RPRD1A: variants seen among roughly 807,000 people sequenced by gnomAD.
RPRD1A encodes regulation of nuclear pre-mRNA domain-containing protein 1A.
Under a neutral mutation model 37.8 loss-of-function variants are expected in RPRD1A, and 9 were observed. The observed-to-expected ratio is 0.24, with a 90% confidence interval of 0.14 to 0.42. The LOEUF is 0.42. Among genes scored for constraint, RPRD1A ranks in the 10% least tolerant of loss-of-function variants. The pLI is 1.00. For missense variants in RPRD1A, 255 were observed against 371.0 expected, an observed-to-expected ratio of 0.69 and a Z score of 2.57; for synonymous variants, 138 against 139.7, an observed-to-expected ratio of 0.99 and a Z score of 0.08.
At chr18:36,044,301 C>A (rs1340995121) in intron 1 of RPRD1A, among the ~76,000 whole-genome samples, 2 of 152,092 alleles carry the variant, frequency 1.3e-5, no homozygotes, top group Admixed American at 6.6e-5. Context: ...CCATATTGTT[C>A]AAAGGGAAAC....
chr18:36,062,463 CA>C (rs754276466), intron 1 of RPRD1A, among the ~76,000 whole-genome samples: 124 of 134,392 alleles, frequency 9.2e-4, no homozygotes, highest in Middle Eastern at 3.9e-3. Flanking sequence ...AACATATCCA[CA>C]AAAAAAAAAA....
intron 6 of RPRD1A, among the ~76,000 whole-genome samples, chr18:36,005,765 T>C (rs1909706751): frequency 6.6e-6 from 1 of 152,226 alleles, no homozygotes; most frequent in Non-Finnish European, 1.5e-5. Flanking sequence ...ATGATTTTAC[T>C]CCATATATCA....
chr18:35,996,875 G>T (rs1387277904), intron 6 of RPRD1A, among the ~76,000 whole-genome samples: 1 of 149,290 alleles, frequency 6.7e-6, no homozygotes, highest in African/African-American at 2.5e-5. Context: ...AGCTACACAG[G>T]AGACTAAAGT....
intron 6 of RPRD1A, among the ~76,000 whole-genome samples, chr18:35,997,057 A>G (rs1222438807): frequency 1.3e-5 from 2 of 151,768 alleles, no homozygotes; most frequent in Non-Finnish European, 2.9e-5. Flanking sequence ...CAGCAAATAT[A>G]TTGAAGTTAT....
Position 36,026,926 on chromosome 18 carries a change from G to C in RPRD1A, c.763C>G (p.Leu255Val), listed in dbSNP as rs1184829975. Residue 255 changes from leucine (L) to valine (V), a missense_variant, in exon 6 of 7, where the codon CTT (leucine) becomes GTT (valine). By Grantham distance (32) the Leu-to-Val change is conservative (BLOSUM62 1). Coordinates refer to ENST00000399022, the MANE Select transcript of RPRD1A (RefSeq NM_018170.5). ...TCCAATTTATGCTCTTTCTCTGCAA[G>C]GGCTTCCTTTTGACAACGAAGAAAA... ...ADFLRCQKEA[L>V]AEKEHKLEEY... is the part of the protein sequence containing the mutation. 6.2e-7 allele frequency: 1 copy of C among 1,613,846 alleles called. No homozygotes were observed. Among genetic ancestry groups the C allele is most frequent in the Admixed American group, 1.7e-5 (1 of 60,014 alleles).
At chr18:36,039,317 A>G (rs562751958) in intron 1 of RPRD1A, among the ~76,000 whole-genome samples, 4 of 152,346 alleles carry the variant, frequency 2.6e-5, no homozygotes, top group Admixed American at 2.6e-4. Context: ...CTTTATAGCA[A>G]TGTGAGAGGA....
intron 6 of RPRD1A, among the ~76,000 whole-genome samples, chr18:36,001,103 GC>G (rs1909387092): frequency 6.6e-6 from 1 of 152,080 alleles, no homozygotes; most frequent in Non-Finnish European, 1.5e-5. Flanking sequence ...CAGCATATAG[GC>G]CCCGTGATAA....
chr18:36,034,133 G>T (rs1912017096), intron 1 of RPRD1A, among the ~76,000 whole-genome samples: 1 of 152,040 alleles, frequency 6.6e-6, no homozygotes, highest in African/African-American at 2.4e-5. Context: ...GATTGCTCAT[G>T]TTATTAAGAT....
intron 6 of RPRD1A, among the ~76,000 whole-genome samples, chr18:35,999,048 C>G (rs1909262270): frequency 6.6e-6 from 1 of 152,020 alleles, no homozygotes; most frequent in Non-Finnish European, 1.5e-5. Flanking sequence ...AGAATCTTTT[C>G]TGACTCTGGC....
chr18:36,067,462 C>T lies in RPRD1A; in HGVS notation c.-58G>A, dbSNP rs1479158752. The T allele has an allele frequency of 2.9e-5, 45 of 1,542,854 alleles. No homozygotes were observed. Among genetic ancestry groups the T allele is most frequent in the Non-Finnish European group, 3.9e-5 (44 of 1,138,628 alleles). The stretch of plus-strand genomic sequence containing the variant: ...GGTGGGGCCGAGGGGAGGAGAGTTT[C>T]GCCGCCCTAGCTGCGGCCTCGCCCC... On this transcript the variant is annotated 5_prime_UTR_variant, in exon 1 of 7. Coordinates refer to ENST00000399022, the MANE Select transcript of RPRD1A (RefSeq NM_018170.5).
rs1911725334 is a variant in RPRD1A, at chr18:36,030,838, G to C, written c.456C>G (p.Ser152=). Residue 152 remains serine (S), a synonymous_variant, in exon 4 of 7, where the codon TCC becomes TCG. Coordinates refer to ENST00000399022, the MANE Select transcript of RPRD1A (RefSeq NM_018170.5). ...QIKVDENENC[S]SLGSPSEPPQ... ...GTGGTTCACTTGGAGATCCCAGAGA[G>C]GAACAGTTTTCATTTTCATCCACCT... 6.2e-7 allele frequency: 1 copy of C among 1,612,718 alleles called. No individual in the cohort carries two copies.
intron 2 of RPRD1A, among the ~76,000 whole-genome samples, chr18:36,031,327 A>G (rs1222081401): frequency 6.6e-6 from 1 of 151,450 alleles, no homozygotes; most frequent in Non-Finnish European, 1.5e-5. Context: ...CACAACCAAA[A>G]AAAGTTTAAA....
intron 1 of RPRD1A, among the ~76,000 whole-genome samples, chr18:36,043,270 C>T (rs2144345933): frequency 7.4e-6 from 1 of 135,118 alleles, no homozygotes. Flanking sequence ...TTATATATTA[C>T]ATGATTAATC....
chr18:35,996,681 T>C (rs1386794165), intron 6 of RPRD1A, among the ~76,000 whole-genome samples: 1 of 152,116 alleles, frequency 6.6e-6, no homozygotes. Flanking sequence ...GTGATGCAAC[T>C]TGGTTAAAAA....
At chr18:36,021,551 A>T (rs1010862469) in intron 6 of RPRD1A, among the ~76,000 whole-genome samples, 1 of 152,236 alleles carries the variant, frequency 6.6e-6, no homozygotes, top group African/African-American at 2.4e-5. Flanking sequence ...AGTGAAAGAA[A>T]GAATCATAGG....
chr18:36,052,575 T>C (rs1328512561), intron 1 of RPRD1A, among the ~76,000 whole-genome samples: 8 of 152,108 alleles, frequency 5.3e-5, no homozygotes, highest in Admixed American at 1.3e-4. Context: ...TGTATGCTAT[T>C]GAAGATAAGT....
rs971830369 is a variant in RPRD1A, at chr18:35,993,218, C to T, written c.872G>A (p.Arg291Gln). The change falls in exon 7 of 7, where the codon CGA becomes CAA. Residue 291 changes from arginine (R) to glutamine (Q), a missense_variant. Around this residue, in one of 2 missense-constraint regions of RPRD1A, gnomAD observed 211 missense variants for 268.9 expected, o/e 0.78. Coordinates refer to ENST00000399022, the MANE Select transcript of RPRD1A (RefSeq NM_018170.5). ...GTGGCTGCCAGTGACATTGGGCAAT[C>T]GAGATAAGTCTGGCAGGCTCTGGAT... ...SRIQSLPDLS[R>Q]LPNVTGSHMH... The T allele has an allele frequency of 5.6e-6, 9 of 1,614,150 alleles. No individual in the cohort carries two copies. The highest frequency in any genetic ancestry group is 3.3e-5 in the Admixed American group (2 of 60,014).
intron 1 of RPRD1A, among the ~76,000 whole-genome samples, chr18:36,052,717 G>A (rs1249318886): frequency 6.6e-6 from 1 of 152,026 alleles, no homozygotes; most frequent in Non-Finnish European, 1.5e-5. Context: ...TCCTTCCTCA[G>A]CCTCCTGAGT....
At chr18:36,013,444 A>C (rs1307027712) in intron 6 of RPRD1A, among the ~76,000 whole-genome samples, 1 of 152,228 alleles carries the variant, frequency 6.6e-6, no homozygotes, top group African/African-American at 2.4e-5. Context: ...AGAAGCAAAA[A>C]TAAAAGACAA....
Sources: gnomAD v4.1 joint callset for allele counts (sites outside exome capture counted in the v4.1 genomes callset) on GRCh38, gnomAD v4.1.1 for gene constraint, gnomAD v4.1.1 regional missense constraint, MANE v1.5 for transcripts, NCBI Gene and HGNC (gene_info 2026-07-23, HGNC 2026-07-21) for gene names.